FLT4: variants seen among roughly 807,000 people sequenced by gnomAD.
FLT4 encodes vascular endothelial growth factor receptor 3.
FLT4 carries 30 observed loss-of-function variants against 163.2 expected under a neutral mutation model. The ratio of observed to expected loss-of-function variants is 0.18; its 90% CI spans 0.14 to 0.25. The LOEUF (loss-of-function observed/expected upper bound fraction) is 0.25, where lower values mean the gene tolerates loss of function less well. FLT4 is among the 10% of genes least tolerant of loss of function. FLT4 has a pLI of 1.00. For synonymous variants in FLT4, 884 were observed against 789.5 expected, an observed-to-expected ratio of 1.12 and a Z score of -2.01; for missense variants, 1,510 against 1,863.8, an observed-to-expected ratio of 0.81 and a Z score of 3.50.
chr5:180,647,936 T>C (rs1765560354), intron 1 of FLT4, among the ~76,000 whole-genome samples: 1 of 152,150 alleles, frequency 6.6e-6, no homozygotes, highest in Non-Finnish European at 1.5e-5. Flanking sequence ...GTTCTCCTTA[T>C]ACCTGCAGAA....
rs966669251 is a variant in FLT4, at chr5:180,631,664, G to A, written c.155+18C>T. The A allele has an allele frequency of 6.3e-7, 1 of 1,589,452 alleles. No individual in the cohort carries two copies. Among genetic ancestry groups the A allele is most frequent in the Non-Finnish European group, 8.6e-7 (1 of 1,162,976 alleles). On this transcript the variant is annotated intron_variant, in intron 2 of 29. Coordinates refer to ENST00000261937, the MANE Select transcript of FLT4 (RefSeq NM_182925.5). ...TGTGCAGCCTCTCTGGCCTGCCAGT[G>A]GGAGAGGGACCCAGTACCTGCAGGA...
rs1763124082 is a variant in FLT4 at position 180,621,323 on chromosome 5, C to T, written c.2021-71G>A. The T allele has an allele frequency of 3.2e-6, 5 of 1,542,762 alleles. No individual in the cohort carries two copies. In the Admixed American group the frequency reaches 5.5e-5, roughly 17 times the overall value. The stretch of plus-strand genomic sequence containing the variant: ...AGGAGGACCCTCTTTGGGCTGGGAG[C>T]AGAGGTAGAAAAGGATCCCTGGAAG... On this transcript the variant is annotated intron_variant, in intron 13 of 29. Transcript: ENST00000261937.
Position 180,628,887 on chromosome 5 carries a change from GAACTCGGGCGGGGGGTACGCTGC to G in FLT4, c.1075_1097del (p.Ala359ProfsTer60). On this transcript the variant is annotated frameshift_variant, in exon 8 of 30. Coordinates refer to ENST00000261937, the MANE Select transcript of FLT4 (RefSeq NM_182925.5). LOFTEE classifies it high-confidence loss of function. ...TGGGGAGCCAGGGCTGTTACCACTG[GAACTCGGGCGGGGGGTACGCTGC>G]CAGCTTCACGGGCAGCTTCACCAGC... The G allele has an allele frequency of 6.2e-7, 1 of 1,606,378 alleles. No homozygotes were observed. The highest frequency in any genetic ancestry group is 2.2e-5 in the East Asian group (1 of 44,498).
chr5:180,625,961 G>A lies in FLT4; in HGVS notation c.1329C>T (p.Leu443=), dbSNP rs1763568238. The A allele has an allele frequency of 3.1e-6, 5 of 1,612,708 alleles. No individual in the cohort carries two copies. Among genetic ancestry groups the A allele is most frequent in the South Asian group, 1.1e-5 (1 of 91,080 alleles). The part of the protein sequence containing the change: ...SIYSRHSRQA[L]TCTAYGVPLP... Reference sequence around the variant, plus strand: ...GGGGCACCCCGTAGGCCGTGCAGGTGAGGGCCTGGCGGCTGTGACGCGAGT... The same window carrying A: ...GGGGCACCCCGTAGGCCGTGCAGGTAAGGGCCTGGCGGCTGTGACGCGAGT... The change falls in exon 10 of 30, where the codon CTC becomes CTT. Residue 443 remains leucine, a synonymous_variant. Coordinates refer to ENST00000261937, the MANE Select transcript of FLT4 (RefSeq NM_182925.5).
intron 1 of FLT4, among the ~76,000 whole-genome samples, chr5:180,633,433 G>A (rs771131470): frequency 1.3e-5 from 2 of 149,474 alleles, no homozygotes; most frequent in Admixed American, 1.3e-4. Flanking sequence ...TTGGGGCCCC[G>A]AGGTGGAAGG....
At position 180,625,035 on chromosome 5, in the gene FLT4, G is replaced by A. The variant is rs1416145629; in HGVS notation, c.1421+834C>T. Among the ~76,000 whole-genome samples, 4 of 152,184 alleles carry A rather than the reference G, an allele frequency of 2.6e-5. No homozygotes were observed. The East Asian group carries it at 5.8e-4, about 22-fold the overall frequency. On this transcript the variant is annotated intron_variant, in intron 10 of 29. Coordinates refer to ENST00000261937, the MANE Select transcript of FLT4 (RefSeq NM_182925.5). ...CTATGAACCTTGGACATCTGGGGCC[G>A]GCTCATGCCACCCCTACTGAGCCTC...
rs1356125282 is a variant in FLT4, at chr5:180,630,961, C to A, written c.156-162G>T. On this transcript the variant is annotated intron_variant, in intron 2 of 29. Coordinates refer to ENST00000261937, the MANE Select transcript of FLT4 (RefSeq NM_182925.5). The surrounding 1 kb of genome is among the most constrained non-coding windows in gnomAD (Gnocchi z 6.3). ...TACAGACCGTGCCCAGGGCAGGGCACTCCCCGACCCCCGGGCCTCTACCAG... is the reference window on the plus strand; with the variant it reads ...TACAGACCGTGCCCAGGGCAGGGCAATCCCCGACCCCCGGGCCTCTACCAG... Among the ~76,000 whole-genome samples, 3 of 152,052 alleles carry A rather than the reference C, an allele frequency of 2.0e-5. No homozygotes were observed. Among genetic ancestry groups the A allele is most frequent in the Non-Finnish European group, 2.9e-5 (2 of 67,988 alleles).
chr5:180,616,448 C>A lies in FLT4; in HGVS notation c.3138G>T (p.Ser1046=). The A allele has an allele frequency of 6.2e-7, 1 of 1,613,946 alleles. No homozygotes were observed. The highest frequency in any genetic ancestry group is 8.5e-7 in the Non-Finnish European group (1 of 1,179,992). ...CACAGATCTTCACCACGTCGCTTTCCGACAGCAGAATGTTCCGAGCAGCCA... is the reference window on the plus strand; with the variant it reads ...CACAGATCTTCACCACGTCGCTTTCAGACAGCAGAATGTTCCGAGCAGCCA... The part of the protein sequence containing the change: ...RDLAARNILL[S]ESDVVKICDF... Residue 1046 remains serine (S), a synonymous_variant, in exon 23 of 30, where the codon TCG becomes TCT. Coordinates refer to ENST00000261937, the MANE Select transcript of FLT4 (RefSeq NM_182925.5).
In FLT4 at chr5:180,601,627, TG is replaced by T. The variant is rs1218270621; in HGVS notation, c.*1564del. ...GTTTTTTTCCCGGTACATGCGTGGG[TG>T]GGTAGTGAGGAGAAGGGAGCAGAGG... On this transcript the variant is annotated 3_prime_UTR_variant, in exon 30 of 30. Transcript: ENST00000261937. The T allele has an allele frequency of 4.3e-6, 1 of 232,410 alleles. No homozygotes were observed. Among genetic ancestry groups the T allele is most frequent in the Non-Finnish European group, 8.5e-6 (1 of 117,928 alleles). The allele number at this position is 232,410 out of a possible 1,614,324, so 14.4% of individuals were successfully genotyped here.
intron 1 of FLT4, among the ~76,000 whole-genome samples, chr5:180,639,448 T>C (rs1764936642): frequency 6.6e-6 from 1 of 151,340 alleles, no homozygotes; most frequent in African/African-American, 2.4e-5. Flanking sequence ...GAAGGATGCA[T>C]GGATGGGTAG....
At chr5:180,608,216 G>T in intron 29 of FLT4, 1 of 700,768 alleles carries the variant, frequency 1.4e-6, no homozygotes, top group South Asian at 1.5e-5. Flanking sequence ...TAAAGTCTTT[G>T]ATCTTTCTTA....
At position 180,616,390 on chromosome 5, in the gene FLT4, G is replaced by A. The variant is rs1469484040; in HGVS notation, c.3196C>T (p.Pro1066Ser). ...FGLARDIYKD[P>S]DYVRKGSARL... ...ACACTGCCCTTGCGGACGTAGTCGG[G>A]GTCTTTGTAGATGTCCCGGGCAAGG... The change falls in exon 23 of 30, where the codon CCC becomes TCC. Residue 1066 changes from proline (P) to serine (S), a missense_variant. Pro to Ser is a moderately conservative substitution (Grantham distance 74, BLOSUM62 -1). This residue lies in a region of FLT4 where 878 missense variants were observed against 1,016.7 expected (regional missense o/e 0.86). Transcript: ENST00000261937. 2 of 1,613,864 alleles carry A rather than the reference G, an allele frequency of 1.2e-6. No homozygotes were observed. The highest frequency in any genetic ancestry group is 1.7e-6 in the Non-Finnish European group (2 of 1,180,012).
intron 29 of FLT4, 81 bp downstream of exon 29, chr5:180,608,887 G>A: frequency 1.6e-6 from 2 of 1,218,688 alleles, no homozygotes; most frequent in Non-Finnish European, 2.4e-6. Flanking sequence ...AGAGGGCTGG[G>A]CACACCCAGA....
intron 27 of FLT4, among the ~76,000 whole-genome samples, chr5:180,610,899 T>C (rs1274970893): frequency 1.0e-4 from 15 of 148,272 alleles, no homozygotes; most frequent in East Asian, 2.0e-4. Flanking sequence ...CTACTAAAAA[T>C]ACAAAAAATT....
Position 180,619,699 on chromosome 5 carries a change from G to C in FLT4, c.2613C>G (p.Ser871Arg). 1 of 1,612,694 alleles carries C rather than the reference G, an allele frequency of 6.2e-7. No homozygotes were observed. Among genetic ancestry groups the C allele is most frequent in the Non-Finnish European group, 8.5e-7 (1 of 1,179,886 alleles). Residue 871 changes from serine to arginine, a missense_variant, in exon 18 of 30, where the codon AGC becomes AGG. This residue lies in a region of FLT4 where 878 missense variants were observed against 1,016.7 expected (regional missense o/e 0.86). Transcript: ENST00000261937. ...EASAFGIHKG[S>R]SCDTVAVKML... ...TTTTCACGGCCACGGTGTCACAGCT[G>C]CTGCCCTTGTGGATGCCGAAAGCGG...
At position 180,630,727 on chromosome 5, in the gene FLT4, C is replaced by T; in HGVS notation, c.228G>A (p.Glu76=). Residue 76 remains glutamate (E), a synonymous_variant, in exon 3 of 30, where the codon GAG becomes GAA. Coordinates refer to ENST00000261937, the MANE Select transcript of FLT4 (RefSeq NM_182925.5). This position sits in a 1 kb window ranked among gnomAD's most constrained non-coding sequence, Gnocchi z 6.3. ...CGCAGTCTCGCACCACCCCCGTGTC[C>T]TCGCTGTCCTTGTCTCCGGTGGCTG... ...EAPATGDKDS[E]DTGVVRDCEG... 6.2e-7 allele frequency: 1 copy of T among 1,611,796 alleles called. No individual in the cohort carries two copies.
At chr5:180,619,474 C>T (rs1388395640) in intron 18 of FLT4, 108 bp from the exon 19 acceptor site, 1 of 984,668 alleles carries the variant, frequency 1.0e-6, no homozygotes, top group Non-Finnish European at 1.6e-6. Flanking sequence ...CCAGGACATC[C>T]TGCCGGCCCC....
In FLT4 at chr5:180,619,012, C is replaced by T. The variant is rs1469274198; in HGVS notation, c.2850+9G>A. ...GCCGCCCGCGGCGCCCCGCAGGCCG[C>T]CCGCTCACCGCGCAGGGGCTGAAGG... On this transcript the variant is annotated intron_variant, in intron 20 of 29. Transcript: ENST00000261937. 1.3e-6 allele frequency: 2 copies of T among 1,548,136 alleles called. No individual in the cohort carries two copies. The highest frequency in any genetic ancestry group is 2.0e-5 in the Admixed American group (1 of 50,160).
Position 180,649,598 on chromosome 5 carries a change from A to T in FLT4, c.-53T>A. On this transcript the variant is annotated 5_prime_UTR_variant, in exon 1 of 30. Coordinates refer to ENST00000261937, the MANE Select transcript of FLT4 (RefSeq NM_182925.5). ...CGAGCGGCCGCGGCTCGGGGCTGAA[A>T]GTGTCCGCGCGGGCGCCGGCTGGCC... The T allele has an allele frequency of 9.0e-7, 1 of 1,113,964 alleles. No homozygotes were observed. Among genetic ancestry groups the T allele is most frequent in the Non-Finnish European group, 1.1e-6 (1 of 886,312 alleles). The allele number at this position is 1,113,964 out of a possible 1,614,324, so 69.0% of individuals were successfully genotyped here. A position where few individuals can be genotyped will look rare whatever the true frequency, so the allele number is the denominator to read the frequency against.
Sources: gnomAD v4.1 joint callset for allele counts (sites outside exome capture counted in the v4.1 genomes callset) on GRCh38, gnomAD v4.1.1 for gene constraint, gnomAD v4.1.1 regional missense constraint, Gnocchi (gnomAD v3.1) non-coding constraint, MANE v1.5 for transcripts, NCBI Gene and HGNC (gene_info 2026-07-23, HGNC 2026-07-21) for gene names.